Variants in NAALADL2 observed in about 807,000 individuals in gnomAD.
NAALADL2 encodes inactive N-acetylated-alpha-linked acidic dipeptidase-like protein 2.
Under a neutral mutation model 87.2 loss-of-function variants are expected in NAALADL2, and 76 were observed. The ratio of observed to expected loss-of-function variants is 0.87; its 90% CI spans 0.72 to 1.05. The LOEUF (loss-of-function observed/expected upper bound fraction) is 1.05. Among genes scored for constraint, NAALADL2 ranks in the 50% least tolerant of loss-of-function variants. NAALADL2 has a pLI of 0.00. For synonymous variants in NAALADL2, 354 were observed against 331.0 expected (o/e 1.07, Z -0.75); for missense variants, 1,089 against 945.8 (o/e 1.15, Z -1.99).
intron 2 of NAALADL2, among the ~76,000 whole-genome samples, chr3:174,714,440 A>G (rs148094434): frequency 1.3e-5 from 2 of 152,096 alleles, no homozygotes; most frequent in Non-Finnish European, 2.9e-5. Context: ...TGAGCATGGA[A>G]TGTTCTTCCA....
intron 1 of NAALADL2, among the ~76,000 whole-genome samples, chr3:175,094,833 A>G (rs1417529827): frequency 6.6e-6 from 1 of 150,570 alleles, no homozygotes; most frequent in Admixed American, 6.7e-5. Context: ...TGTCTTGCAT[A>G]ATTATATAAT....
intron 1 of NAALADL2, among the ~76,000 whole-genome samples, chr3:174,471,997 T>C (rs2108312711): frequency 6.6e-6 from 1 of 152,314 alleles, no homozygotes. Flanking sequence ...TAAAAGAATG[T>C]GTTCTACAGA....
At chr3:175,393,613 C>T (rs1769364988) in intron 5 of NAALADL2, among the ~76,000 whole-genome samples, 1 of 152,180 alleles carries the variant, frequency 6.6e-6, no homozygotes, top group South Asian at 2.1e-4. Context: ...CCTATGCACT[C>T]TCTCAGGCAT....
intron 1 of NAALADL2, among the ~76,000 whole-genome samples, chr3:174,898,511 T>C (rs1275188838): frequency 6.6e-6 from 1 of 152,090 alleles, no homozygotes; most frequent in Non-Finnish European, 1.5e-5. Flanking sequence ...TATAATTCGA[T>C]TGTTTGTAAC....
chr3:174,876,978 T>C (rs1728587637), intron 1 of NAALADL2, among the ~76,000 whole-genome samples: 1 of 152,122 alleles, frequency 6.6e-6, no homozygotes, highest in African/African-American at 2.4e-5. Flanking sequence ...GCATTTTTCT[T>C]ACATGGCCAG....
At chr3:175,582,063 A>T (rs1719862206) in intron 10 of NAALADL2, among the ~76,000 whole-genome samples, 1 of 152,190 alleles carries the variant, frequency 6.6e-6, no homozygotes, top group Non-Finnish European at 1.5e-5. Context: ...AGAAGGTTAA[A>T]CTCCAATCAA....
chr3:175,300,858 A>T (rs181212969), intron 4 of NAALADL2, among the ~76,000 whole-genome samples: 2,075 of 151,400 alleles, frequency 0.014, 51 homozygotes, highest in African/African-American at 0.047. Context: ...TTCCTCTGCC[A>T]AAGCCTCCTG....
chr3:175,463,736 G>GACAGAGAGAGAGA (rs1560592659), intron 7 of NAALADL2, among the ~76,000 whole-genome samples: 1 of 145,122 alleles, frequency 6.9e-6, no homozygotes, highest in Non-Finnish European at 1.5e-5. Flanking sequence ...GAGAGAGAGA[G>GACAGAGAGAGAGA]GTGGGGATCT....
intron 11 of NAALADL2, among the ~76,000 whole-genome samples, chr3:175,687,720 T>A (rs1736491312): frequency 6.6e-6 from 1 of 152,310 alleles, no homozygotes; most frequent in Non-Finnish European, 1.5e-5. Flanking sequence ...GGGAGGTGTT[T>A]AGATTGTGGG....
chr3:174,802,938 A>G (rs1719014013), intron 3 of NAALADL2, among the ~76,000 whole-genome samples: 1 of 152,162 alleles, frequency 6.6e-6, no homozygotes, highest in Non-Finnish European at 1.5e-5. Context: ...TGCACAATAA[A>G]CATATGTGTG....
intron 1 of NAALADL2, among the ~76,000 whole-genome samples, chr3:174,897,590 C>T (rs886677270): frequency 2.3e-4 from 35 of 152,154 alleles, no homozygotes; most frequent in Middle Eastern, 3.2e-3. Flanking sequence ...AGTACAATCA[C>T]TATGGAGAAC....
intron 5 of NAALADL2, among the ~76,000 whole-genome samples, chr3:175,443,548 G>C (rs1330404970): frequency 6.6e-6 from 1 of 152,084 alleles, no homozygotes; most frequent in Non-Finnish European, 1.5e-5. Flanking sequence ...GTTAGCCAGG[G>C]TGAAAGCATA....
chr3:175,418,345 A>G lies in NAALADL2; in HGVS notation c.1091-28884A>G, dbSNP rs1000244032. Among the ~76,000 whole-genome samples, 43 of 152,274 alleles carry G rather than the reference A, an allele frequency of 2.8e-4. 3 individuals are homozygous for G. Among genetic ancestry groups the G allele is most frequent in the Admixed American group, 1.4e-3 (22 of 15,258 alleles). On this transcript the variant is annotated intron_variant, in intron 5 of 13. Coordinates refer to ENST00000454872, the MANE Select transcript of NAALADL2 (RefSeq NM_207015.3). ...GCCAAATACTCAGCCAAATTTTAAAAATAAAGAAGTTTTCCACTTTTGTAA... is the reference window on the plus strand; with the variant it reads ...GCCAAATACTCAGCCAAATTTTAAAGATAAAGAAGTTTTCCACTTTTGTAA...
intron 13 of NAALADL2, among the ~76,000 whole-genome samples, chr3:175,774,679 A>G (rs982824039): frequency 4.6e-5 from 7 of 152,082 alleles, no homozygotes; most frequent in African/African-American, 1.4e-4. Flanking sequence ...ATGCTGCTCA[A>G]TGTGGTAGCC....
chr3:174,677,075 A>C (rs967819853), intron 2 of NAALADL2, among the ~76,000 whole-genome samples: 1 of 151,876 alleles, frequency 6.6e-6, no homozygotes, highest in African/African-American at 2.4e-5. Context: ...CTACTTTTCA[A>C]CTTGTATCTG....
chr3:174,895,612 G>A (rs1731420675), intron 1 of NAALADL2, among the ~76,000 whole-genome samples: 1 of 152,018 alleles, frequency 6.6e-6, no homozygotes, highest in South Asian at 2.1e-4. Flanking sequence ...GAAGAATAAC[G>A]AACACCAATC....
At chr3:175,636,508 G>T (rs1728562271) in intron 11 of NAALADL2, among the ~76,000 whole-genome samples, 1 of 151,950 alleles carries the variant, frequency 6.6e-6, no homozygotes, top group Non-Finnish European at 1.5e-5. Context: ...AGACCAACCT[G>T]GCCAATATGG....
At chr3:174,973,825 A>G (rs965178322) in intron 1 of NAALADL2, among the ~76,000 whole-genome samples, 4 of 152,234 alleles carry the variant, frequency 2.6e-5, no homozygotes, top group African/African-American at 9.6e-5. Flanking sequence ...CAGTAAAAAT[A>G]GGATATTACA....
Position 174,721,061 on chromosome 3 carries a change from T to C in NAALADL2, c.-114-16580T>C, listed in dbSNP as rs564219808. 2.0e-5 allele frequency among the ~76,000 whole-genome samples: 3 copies of C among 151,116 alleles called. No individual in the cohort carries two copies. In the East Asian group the frequency reaches 5.8e-4, roughly 29 times the overall value. The stretch of plus-strand genomic sequence containing the variant: ...ATAGAGATAATATATCATTTTTGAG[T>C]AAAGTTTTCTTTCAGTTTCTTGGTA... On this transcript the variant is annotated intron_variant, in intron 2 of 3. Coordinates refer to the NAALADL2 transcript ENST00000434257.
Sources: gnomAD v4.1 joint callset for allele counts (sites outside exome capture counted in the v4.1 genomes callset) on GRCh38, gnomAD v4.1.1 for gene constraint, MANE v1.5 for transcripts, NCBI Gene and HGNC (gene_info 2026-07-23, HGNC 2026-07-21) for gene names.